The following GRM7 variants were observed in gnomAD, a reference collection of about 807,000 sequenced individuals.
GRM7 encodes the protein glutamate metabotropic receptor 7.
Under a neutral mutation model 84.5 loss-of-function variants are expected in GRM7, and 35 were observed. The observed-to-expected ratio is 0.41, with a 90% CI of 0.32 to 0.55. The LOEUF (loss-of-function observed/expected upper bound fraction) is 0.55, where lower values mean the gene tolerates loss of function less well. Among genes scored for constraint, GRM7 ranks in the 20% least tolerant of loss-of-function variants. The pLI is 0.19. For synonymous variants in GRM7, 487 were observed against 455.1 expected (o/e 1.07, Z -0.89); for missense variants, 1,003 against 1,194.6 (o/e 0.84, Z 2.36).
chr3:7,312,136 G>GGTA (rs980532209), intron 4 of GRM7, among the ~76,000 whole-genome samples: 1 of 152,090 alleles, frequency 6.6e-6, no homozygotes, highest in Admixed American at 6.5e-5. Flanking sequence ...TGAAACCTTT[G>GGTA]GTAGCATTTA....
At chr3:7,120,249 G>A (rs1054787038) in intron 1 of GRM7, among the ~76,000 whole-genome samples, 2 of 152,074 alleles carry the variant, frequency 1.3e-5, no homozygotes, top group Admixed American at 6.6e-5. Context: ...AACGGGAAAA[G>A]AGAGATGTAT....
chr3:7,309,635 A>C (rs1393684225), intron 4 of GRM7, among the ~76,000 whole-genome samples: 1 of 152,174 alleles, frequency 6.6e-6, no homozygotes, highest in Admixed American at 6.5e-5. Context: ...CTGAGTATGC[A>C]TTCAAAATAA....
intron 8 of GRM7, among the ~76,000 whole-genome samples, chr3:7,649,617 T>G (rs1278767708): frequency 6.6e-6 from 1 of 151,846 alleles, no homozygotes; most frequent in African/African-American, 2.4e-5. Flanking sequence ...CTTGCTAACT[T>G]GCGTGAGTTG....
chr3:7,241,658 A>G (rs185601485), intron 2 of GRM7, among the ~76,000 whole-genome samples: 1 of 152,216 alleles, frequency 6.6e-6, no homozygotes. Context: ...AAGTGAACAA[A>G]AGAGACTGAC....
intron 9 of GRM7, among the ~76,000 whole-genome samples, chr3:7,728,723 T>C (rs1479291168): frequency 1.3e-5 from 2 of 152,176 alleles, no homozygotes; most frequent in Non-Finnish European, 2.9e-5. Flanking sequence ...AATTATTAAC[T>C]TAATGTGAAG....
At chr3:7,171,685 G>T (rs114304246) in intron 2 of GRM7, among the ~76,000 whole-genome samples, 4 of 152,098 alleles carry the variant, frequency 2.6e-5, no homozygotes, top group African/African-American at 4.8e-5. Context: ...AAGGTAAACC[G>T]TCCTACACAC....
intron 1 of GRM7, among the ~76,000 whole-genome samples, chr3:6,877,624 T>C (rs62237235): frequency 0.04 from 6,102 of 152,144 alleles, 171 homozygotes; most frequent in Non-Finnish European, 0.057. Context: ...TCAAATTCGC[T>C]CTTTGATAGG....
intron 2 of GRM7, among the ~76,000 whole-genome samples, chr3:7,266,828 C>T (rs1698659058): frequency 6.6e-6 from 1 of 152,126 alleles, no homozygotes; most frequent in Admixed American, 6.6e-5. Context: ...TATTTTTCAA[C>T]AGGTTTCTGG....
intron 7 of GRM7, among the ~76,000 whole-genome samples, chr3:7,540,525 A>G (rs903123143): frequency 1.3e-5 from 2 of 152,212 alleles, no homozygotes; most frequent in Non-Finnish European, 2.9e-5. Context: ...CAAATAGGCA[A>G]ATCCATAAAG....
At chr3:7,015,279 G>A (rs895039556) in intron 1 of GRM7, among the ~76,000 whole-genome samples, 4 of 152,140 alleles carry the variant, frequency 2.6e-5, no homozygotes, top group African/African-American at 7.2e-5. Context: ...GTGAAGGTCC[G>A]TGGCTTCATT....
At chr3:7,493,470 A>T (rs1377306257) in intron 7 of GRM7, among the ~76,000 whole-genome samples, 1 of 151,856 alleles carries the variant, frequency 6.6e-6, no homozygotes, top group Non-Finnish European at 1.5e-5. Flanking sequence ...CCATTTTATC[A>T]AATATTAATA....
chr3:7,646,889 GTC>G (rs1267805882), intron 8 of GRM7, among the ~76,000 whole-genome samples: 1 of 152,182 alleles, frequency 6.6e-6, no homozygotes, highest in African/African-American at 2.4e-5. Context: ...GCCATGTAAA[GTC>G]TGTATTCTGG....
At chr3:7,332,942 G>A (rs1240194295) in intron 4 of GRM7, among the ~76,000 whole-genome samples, 1 of 152,026 alleles carries the variant, frequency 6.6e-6, no homozygotes, top group Non-Finnish European at 1.5e-5. Flanking sequence ...CCCATCACTT[G>A]AGAAACACAG....
chr3:7,471,065 A>G (rs1698681053), intron 7 of GRM7, among the ~76,000 whole-genome samples: 1 of 151,816 alleles, frequency 6.6e-6, no homozygotes, highest in Non-Finnish European at 1.5e-5. Context: ...TATTTAAAAA[A>G]AGTAAAATAA....
chr3:7,146,976 A>T (rs1694131001), intron 2 of GRM7, among the ~76,000 whole-genome samples: 1 of 152,140 alleles, frequency 6.6e-6, no homozygotes, highest in Non-Finnish European at 1.5e-5. Flanking sequence ...ACGTGGGAAA[A>T]TGTGGCTGGA....
intron 1 of GRM7, among the ~76,000 whole-genome samples, chr3:6,892,288 G>C (rs1156924132): frequency 6.6e-6 from 1 of 152,106 alleles, no homozygotes; most frequent in Non-Finnish European, 1.5e-5. Flanking sequence ...GAGTAATTGA[G>C]GAGGCAGCAG....
chr3:7,382,224 TTGA>T (rs1233144634), intron 4 of GRM7, among the ~76,000 whole-genome samples: 4 of 152,182 alleles, frequency 2.6e-5, no homozygotes, highest in African/African-American at 9.6e-5. Flanking sequence ...CTGTACCAAG[TTGA>T]TGATAATTAT....
At chr3:7,651,308 A>C (rs75058390) in intron 8 of GRM7, among the ~76,000 whole-genome samples, 17 of 152,272 alleles carry the variant, frequency 1.1e-4, no homozygotes, top group Admixed American at 2.6e-4. Flanking sequence ...TTTACTTCCA[A>C]ATGCATCCTG....
intron 4 of GRM7, among the ~76,000 whole-genome samples, chr3:7,334,258 G>A (rs1701317098): frequency 6.6e-6 from 1 of 152,032 alleles, no homozygotes; most frequent in Non-Finnish European, 1.5e-5. Context: ...AGATTTCTCG[G>A]CAGAAACCCT....
Sources: allele counts gnomAD v4.1 joint callset (sites outside exome capture counted in the v4.1 genomes callset), GRCh38; gene constraint gnomAD v4.1.1; transcripts MANE v1.5; gene names NCBI Gene and HGNC (gene_info 2026-07-23, HGNC 2026-07-21).